The following USH2A variants were observed in gnomAD, a reference collection of about 807,000 sequenced individuals.
USH2A encodes the protein usherin.
Under a neutral mutation model 538.9 loss-of-function variants are expected in USH2A, and 443 were observed. The observed-to-expected ratio is 0.82, with a 90% CI of 0.76 to 0.89. The LOEUF (loss-of-function observed/expected upper bound fraction) is 0.89. USH2A is among the 40% of genes least tolerant of loss of function. USH2A has a pLI of 0.00. For synonymous variants in USH2A, 2,413 were observed against 2,273.5 expected (o/e 1.06, Z -1.75); for missense variants, 6,633 against 6,324.8 (o/e 1.05, Z -1.65).
intron 37 of USH2A, among the ~76,000 whole-genome samples, chr1:215,943,600 C>G (rs1251786703): frequency 6.6e-6 from 1 of 152,146 alleles, no homozygotes; most frequent in Non-Finnish European, 1.5e-5. Context: ...TTGCTTTCAT[C>G]TGGGGACTAC....
chr1:215,813,878 G>T lies in USH2A; in HGVS notation c.9597C>A (p.Asn3199Lys), dbSNP rs779361903. 1 of 1,613,626 alleles carries T rather than the reference G, an allele frequency of 6.2e-7. No individual in the cohort carries two copies. The highest frequency in any genetic ancestry group is 1.3e-5 in the African/African-American group (1 of 74,866). Residue 3199 changes from asparagine to lysine, a missense_variant, in exon 49 of 72, where the codon AAC (asparagine) becomes AAA (lysine). By Grantham distance (94) the Asn-to-Lys change is moderately conservative (BLOSUM62 0). Transcript: ENST00000307340. ...CACAACAGCGATGTCCAGGCTTGGG[G>T]TTATAGAGCACTCCGTTACAACAAA... ...AKVCCNGVLYNPKPGHRCCEE... is the reference protein window; with the variant it reads ...AKVCCNGVLYKPKPGHRCCEE...
At position 215,912,495 on chromosome 1, in the gene USH2A, A is replaced by ATATATATG. The variant is rs1558158020; in HGVS notation, c.7301-11591_7301-11590insCATATATA. ...TATATACGTATATATATATATGTGT[A>ATATATATG]TATATATATATATATACGTGTATAT... On this transcript the variant is annotated intron_variant, in intron 38 of 71. Transcript: ENST00000307340. Among the ~76,000 whole-genome samples, 56 of 21,976 alleles carry ATATATATG rather than the reference A, an allele frequency of 2.5e-3. 1 individual carries two copies. The East Asian group carries it at 0.032, about 13-fold the overall frequency. The allele number at this position is 21,976 out of a possible 152,430, so 14.4% of individuals were successfully genotyped here.
intron 32 of USH2A, among the ~76,000 whole-genome samples, chr1:216,019,391 C>T (rs1668791863): frequency 1.3e-5 from 2 of 152,034 alleles, no homozygotes; most frequent in Non-Finnish European, 2.9e-5. Context: ...AAAGACCAGG[C>T]TAATAATTTT....
chr1:216,282,963 T>C (rs745765485), intron 11 of USH2A, among the ~76,000 whole-genome samples: 6 of 152,176 alleles, frequency 3.9e-5, no homozygotes, highest in Admixed American at 2.0e-4. Flanking sequence ...TTTAATCTTT[T>C]GGTGATTTTT....
At chr1:216,360,490 T>C (rs1375577864) in intron 4 of USH2A, among the ~76,000 whole-genome samples, 3 of 152,096 alleles carry the variant, frequency 2.0e-5, no homozygotes, top group Non-Finnish European at 4.4e-5. Context: ...TACTTGTCGT[T>C]GTACAACACC....
intron 61 of USH2A, among the ~76,000 whole-genome samples, chr1:215,696,573 T>G (rs1288386008): frequency 6.6e-6 from 1 of 152,232 alleles, no homozygotes; most frequent in Non-Finnish European, 1.5e-5. Flanking sequence ...CATAACCATC[T>G]GACTACTGTC....
rs1297700381 is a variant in USH2A, at chr1:215,878,860, G to A, written c.8462C>T (p.Pro2821Leu). 6.2e-7 allele frequency: 1 copy of A among 1,614,032 alleles called. No individual in the cohort carries two copies. Among genetic ancestry groups the A allele is most frequent in the Non-Finnish European group, 8.5e-7 (1 of 1,179,974 alleles). ...PTYVTTHPTV[P>L]QNVGPLSVIP... ...CACAGACAATGGGCCAACATTCTGA[G>A]GTACGGTGGGGTGAGTGGTAACATA... Residue 2821 changes from proline to leucine, a missense_variant, in exon 42 of 72, where the codon CCT (proline) becomes CTT (leucine). Coordinates refer to ENST00000307340, the MANE Select transcript of USH2A (RefSeq NM_206933.4).
chr1:215,638,435 C>A (rs546822449), intron 69 of USH2A, among the ~76,000 whole-genome samples: 1 of 151,762 alleles, frequency 6.6e-6, no homozygotes, highest in South Asian at 2.1e-4. Flanking sequence ...CCCTGGCCAA[C>A]AAAGTGAAAC....
At chr1:215,781,516 TC>T (rs1449239098) in intron 54 of USH2A, among the ~76,000 whole-genome samples, 1 of 152,188 alleles carries the variant, frequency 6.6e-6, no homozygotes, top group African/African-American at 2.4e-5. Flanking sequence ...ATCCCCCATG[TC>T]TGTTGTATCA....
intron 55 of USH2A, among the ~76,000 whole-genome samples, chr1:215,773,492 G>GTCTC (rs930672000): frequency 1.5e-4 from 13 of 84,478 alleles, no homozygotes; most frequent in Admixed American, 6.7e-4. Flanking sequence ...CTGTCTCTCT[G>GTCTC]TCTCTCTCTC....
chr1:215,793,382 A>G (rs1662036250), intron 50 of USH2A, among the ~76,000 whole-genome samples: 1 of 152,168 alleles, frequency 6.6e-6, no homozygotes. Context: ...AAGAAAAAAA[A>G]GGTTTGTGAT....
rs74141555 is a variant in USH2A at position 216,329,215 on chromosome 1, A to C, written c.785-1561T>G. On this transcript the variant is annotated intron_variant, in intron 4 of 71. Transcript: ENST00000307340. The stretch of plus-strand genomic sequence containing the variant: ...AAATCTTTAGAAGATTTCCAACACA[A>C]ATTGTTCTAAAATTTATAATTAGTT... 2.8e-3 allele frequency among the ~76,000 whole-genome samples: 433 copies of C among 152,306 alleles called. 2 individuals carry two copies. Among genetic ancestry groups the C allele is most frequent in the African/African-American group, 9.1e-3 (379 of 41,580 alleles).
chr1:215,980,592 C>T (rs1385310814), intron 35 of USH2A, among the ~76,000 whole-genome samples: 1 of 152,136 alleles, frequency 6.6e-6, no homozygotes, highest in Non-Finnish European at 1.5e-5. Flanking sequence ...TTCCCTTCCT[C>T]ACAGATAAAT....
chr1:216,337,224 T>C (rs1485471886), intron 4 of USH2A, among the ~76,000 whole-genome samples: 3 of 151,546 alleles, frequency 2.0e-5, no homozygotes, highest in Non-Finnish European at 4.4e-5. Flanking sequence ...GCAGGCCCTG[T>C]TCTGTGTGCT....
chr1:215,829,598 A>G (rs1198431486), intron 47 of USH2A, among the ~76,000 whole-genome samples: 1 of 152,222 alleles, frequency 6.6e-6, no homozygotes, highest in East Asian at 1.9e-4. Flanking sequence ...AAGATTTTTT[A>G]AAACCAAAAT....
intron 47 of USH2A, among the ~76,000 whole-genome samples, chr1:215,824,543 G>A (rs922040922): frequency 2.6e-5 from 4 of 152,044 alleles, no homozygotes; most frequent in African/African-American, 9.7e-5. Context: ...GGAAACCTGT[G>A]GAGCAAAACT....
chr1:215,897,064 GA>G (rs746489723), intron 40 of USH2A, among the ~76,000 whole-genome samples: 1 of 151,042 alleles, frequency 6.6e-6, no homozygotes, highest in Non-Finnish European at 1.5e-5. Flanking sequence ...CAAATTATTT[GA>G]AAAAAAAATC....
Position 215,623,842 on chromosome 1 carries a change from C to G in USH2A, c.*1939G>C, listed in dbSNP as rs1394973960. The G allele has an allele frequency of 6.6e-6, 1 of 151,910 alleles. No individual in the cohort carries two copies. Among genetic ancestry groups the G allele is most frequent in the Non-Finnish European group, 1.5e-5 (1 of 68,008 alleles). The allele number at this position is 151,910 out of a possible 1,614,324, so 9.4% of individuals were successfully genotyped here. A position where few individuals can be genotyped will look rare whatever the true frequency, so the allele number is the denominator to read the frequency against. On this transcript the variant is annotated 3_prime_UTR_variant, in exon 72 of 72. Transcript: ENST00000307340. The stretch of plus-strand genomic sequence containing the variant: ...AATTTTTCAAAAATCAGGATAAACT[C>G]AATCTTCTGAACCTAGCAAAGCATA...
chr1:216,020,621 C>T (rs879176742), intron 32 of USH2A, among the ~76,000 whole-genome samples: 1 of 152,116 alleles, frequency 6.6e-6, no homozygotes, highest in Admixed American at 6.6e-5. Context: ...CCCTAGACTA[C>T]TTCAAAATAA....
Sources: gnomAD v4.1 joint callset for allele counts (sites outside exome capture counted in the v4.1 genomes callset) on GRCh38, gnomAD v4.1.1 for gene constraint, MANE v1.5 for transcripts, NCBI Gene and HGNC (gene_info 2026-07-23, HGNC 2026-07-21) for gene names.